The following CARHSP1 variants were observed in gnomAD, a reference collection of about 807,000 sequenced individuals.
CARHSP1 encodes the protein calcium-regulated heat-stable protein 1.
In CARHSP1, 14 loss-of-function variants were observed where a neutral mutation model predicts 12.5. The ratio of observed to expected loss-of-function variants is 1.12; its 90% CI spans 0.74 to 1.75. The LOEUF is 1.75. Among genes scored for constraint, CARHSP1 ranks in the 40% most tolerant of loss-of-function variants. CARHSP1 has a pLI of 0.00. For missense variants in CARHSP1, 343 were observed against 201.6 expected (o/e 1.70, Z -4.25); for synonymous variants, 161 against 82.0 (o/e 1.96, Z -5.20).
At chr16:8,859,002 T>G (rs1252968833) in intron 2 of CARHSP1, 169 bp downstream of exon 2, 2 of 581,730 alleles carry the variant, frequency 3.4e-6, no homozygotes, top group African/African-American at 1.9e-5. Flanking sequence ...GTACCCTGAA[T>G]TTACAAGGCG....
At chr16:8,865,715 CCA>C (rs553664617) in intron 1 of CARHSP1, among the ~76,000 whole-genome samples, 8 of 152,332 alleles carry the variant, frequency 5.3e-5, no homozygotes, top group African/African-American at 1.9e-4. Context: ...CAGCCACTGT[CCA>C]CAGACTTCTG....
rs936224340 is a variant in CARHSP1, at chr16:8,853,540, C to G, written c.*1624G>C. 6.6e-6 allele frequency: 1 copy of G among 152,232 alleles called. No individual in the cohort carries two copies. The highest frequency in any genetic ancestry group is 2.4e-5 in the African/African-American group (1 of 41,460). The allele number at this position is 152,232 out of a possible 1,614,324, so 9.4% of individuals were successfully genotyped here. ...CACCCCCTTAGGCTGAAAGGACAAA[C>G]TCATCAGAGTTGAGGAGTACCTACC... On this transcript the variant is annotated 3_prime_UTR_variant, in exon 4 of 4. Coordinates refer to ENST00000311052, the MANE Select transcript of CARHSP1 (RefSeq NM_014316.4).
intron 2 of CARHSP1, 156 bp from the exon 3 acceptor site, chr16:8,858,628 G>A: frequency 1.1e-6 from 1 of 900,244 alleles, no homozygotes; most frequent in Non-Finnish European, 1.6e-6. Flanking sequence ...TCAACCCTGG[G>A]AGCCGCTCAC....
At chr16:8,859,138 T>C (rs1406810482) in intron 2 of CARHSP1, 33 bp downstream of exon 2, 1 of 1,549,466 alleles carries the variant, frequency 6.5e-7, no homozygotes, top group African/African-American at 1.4e-5. Context: ...GAGATCCATC[T>C]GAGAACGCGT....
rs766993521 is a variant in CARHSP1 at position 8,859,339 on chromosome 16, G to A, written c.-7-4C>T. 1 of 1,597,646 alleles carries A rather than the reference G, an allele frequency of 6.3e-7. No homozygotes were observed. On this transcript the variant is annotated splice_region_variant and splice_polypyrimidine_tract_variant and intron_variant, in intron 1 of 3. Transcript: ENST00000311052. ...AGGCTCAGATGACATGGCTGACCTG[G>A]AAAGAGAAGAGGCTGTCAGGGGCTC...
chr16:8,865,818 C>A (rs1379023176), intron 1 of CARHSP1, among the ~76,000 whole-genome samples: 1 of 152,254 alleles, frequency 6.6e-6, no homozygotes, highest in Admixed American at 6.5e-5. Flanking sequence ...CCCTGTTTTA[C>A]AGATGAGGAA....
intron 1 of CARHSP1, among the ~76,000 whole-genome samples, chr16:8,863,029 GC>G (rs759993394): frequency 4.0e-5 from 6 of 150,596 alleles, no homozygotes; most frequent in Non-Finnish European, 7.4e-5. Context: ...GCAGCACAGG[GC>G]CCCTCTGTGT....
chr16:8,862,446 G>C (rs545039293), intron 1 of CARHSP1, among the ~76,000 whole-genome samples: 2 of 152,126 alleles, frequency 1.3e-5, no homozygotes, highest in East Asian at 1.9e-4. Context: ...ACCGAGCCCT[G>C]TTCAAGGCCC....
chr16:8,858,820 CATT>C (rs2061243137), intron 2 of CARHSP1: 1 of 410,606 alleles, frequency 2.4e-6, no homozygotes. Flanking sequence ...ATCTGCCAGG[CATT>C]ATGTGGGTCC....
chr16:8,860,165 C>G, intron 1 of CARHSP1: 1 of 985,454 alleles, frequency 1.0e-6, no homozygotes, highest in Non-Finnish European at 1.2e-6. Context: ...TCAAGCGCCA[C>G]GTTTGGATCC....
At chr16:8,861,422 C>T (rs530372037) in intron 1 of CARHSP1, among the ~76,000 whole-genome samples, 10 of 151,840 alleles carry the variant, frequency 6.6e-5, no homozygotes, top group Non-Finnish European at 1.5e-4. Context: ...GTTTGCCCCC[C>T]CAGTCCCCTC....
intron 1 of CARHSP1, among the ~76,000 whole-genome samples, chr16:8,865,586 G>C (rs999999343): frequency 8.5e-5 from 13 of 152,234 alleles, no homozygotes; most frequent in African/African-American, 4.8e-5. Context: ...GGGAAGGCCA[G>C]GGTTGGGCAT....
At chr16:8,867,572 G>T (rs1446108152) in intron 1 of CARHSP1, 1 of 152,292 alleles carries the variant, frequency 6.6e-6, no homozygotes, top group Non-Finnish European at 1.5e-5. Flanking sequence ...CCTACCTAGG[G>T]GACCCACCGT....
chr16:8,867,431 T>C lies in CARHSP1; in HGVS notation c.-8+1535A>G, dbSNP rs142455498. The C allele has an allele frequency of 3.3e-3, 508 of 152,170 alleles. 2 individuals are homozygous for C. Among genetic ancestry groups the C allele is most frequent in the Non-Finnish European group, 5.4e-3 (371 of 68,088 alleles). The allele number at this position is 152,170 out of a possible 1,614,324, so 9.4% of individuals were successfully genotyped here. A position where few individuals can be genotyped will look rare whatever the true frequency, so the allele number is the denominator to read the frequency against. Reference sequence around the variant, plus strand: ...AGCGCACGGCGGGCTCAGTCCACAATAGTGCGGCTGATGGTGGAAGTGTCA... The same window carrying C: ...AGCGCACGGCGGGCTCAGTCCACAACAGTGCGGCTGATGGTGGAAGTGTCA... On this transcript the variant is annotated intron_variant, in intron 1 of 3. Transcript: ENST00000311052.
chr16:8,863,841 TACAC>T (rs1327467697), intron 1 of CARHSP1, among the ~76,000 whole-genome samples: 2 of 152,096 alleles, frequency 1.3e-5, no homozygotes, highest in Non-Finnish European at 2.9e-5. Flanking sequence ...CCCTCCACAA[TACAC>T]ACATACACAA....
intron 1 of CARHSP1, among the ~76,000 whole-genome samples, chr16:8,864,473 A>G (rs2061422882): frequency 6.6e-6 from 1 of 152,206 alleles, no homozygotes; most frequent in African/African-American, 2.4e-5. Flanking sequence ...CACTTCACAC[A>G]GCCCAGCTCA....
At position 8,858,286 on chromosome 16, in the gene CARHSP1, C is replaced by G. The variant is rs1309786236; in HGVS notation, c.281+64G>C. On this transcript the variant is annotated intron_variant, in intron 3 of 3. Coordinates refer to ENST00000311052, the MANE Select transcript of CARHSP1 (RefSeq NM_014316.4). Reference sequence around the variant, plus strand: ...GCCCATCAGAGTCACACACCATCCCCACCTCCACAGGGCCAAGGAAGCGCC... The same window carrying G: ...GCCCATCAGAGTCACACACCATCCCGACCTCCACAGGGCCAAGGAAGCGCC... 8.2e-6 allele frequency: 13 copies of G among 1,577,738 alleles called. No homozygotes were observed. The East Asian group carries it at 2.9e-4, about 35-fold the overall frequency.
At position 8,858,424 on chromosome 16, in the gene CARHSP1, G is replaced by A. The variant is rs776911438; in HGVS notation, c.207C>T (p.Cys69=). The A allele has an allele frequency of 1.9e-6, 3 of 1,614,090 alleles. No individual in the cohort carries two copies. Among genetic ancestry groups the A allele is most frequent in the Non-Finnish European group, 1.7e-6 (2 of 1,180,016 alleles). The change falls in exon 3 of 4, where the codon TGC becomes TGT. Residue 69 remains cysteine, a synonymous_variant. Transcript: ENST00000311052. ...QGPVYKGVCK[C]FCRSKGHGFI... is the part of the protein sequence containing the mutation. ...AGCCATGGCCCTTGGACCGGCAGAAGCATTTGCAGACTCCTTTGTAGACGG... is the reference window on the plus strand; with the variant it reads ...AGCCATGGCCCTTGGACCGGCAGAAACATTTGCAGACTCCTTTGTAGACGG...
intron 1 of CARHSP1, among the ~76,000 whole-genome samples, chr16:8,867,012 T>C (rs976474356): frequency 3.9e-5 from 6 of 152,136 alleles, no homozygotes; most frequent in African/African-American, 1.2e-4. Flanking sequence ...TGCCATTGCC[T>C]GTGCCCCCAT....
Sources: gnomAD v4.1 joint callset for allele counts (sites outside exome capture counted in the v4.1 genomes callset) on GRCh38, gnomAD v4.1.1 for gene constraint, MANE v1.5 for transcripts, NCBI Gene and HGNC (gene_info 2026-07-23, HGNC 2026-07-21) for gene names.